The following ATRNL1 variants were observed in gnomAD, a reference collection of about 807,000 sequenced individuals.
The protein encoded by ATRNL1 is attractin like 1.
Under a neutral mutation model 182.7 loss-of-function variants are expected in ATRNL1, and 95 were observed. The ratio of observed to expected loss-of-function variants is 0.52; its 90% CI spans 0.44 to 0.62. ATRNL1 has a LOEUF of 0.62. Ranked by LOEUF, ATRNL1 falls within the 20% of genes least tolerant of loss-of-function variation. The pLI is 0.00. For missense variants in ATRNL1, 1,471 were observed against 1,679.5 expected, an observed-to-expected ratio of 0.88 and a Z score of 2.17; for synonymous variants, 576 against 568.3, an observed-to-expected ratio of 1.01 and a Z score of -0.19.
intron 24 of ATRNL1, among the ~76,000 whole-genome samples, chr10:115,484,473 TAC>T (rs1848922960): frequency 6.6e-6 from 1 of 151,694 alleles, no homozygotes. Flanking sequence ...GGTATCAAGT[TAC>T]AGTCTTCATA....
chr10:115,166,222 CAT>C (rs1847033130), intron 7 of ATRNL1, among the ~76,000 whole-genome samples: 1 of 152,076 alleles, frequency 6.6e-6, no homozygotes, highest in East Asian at 1.9e-4. Flanking sequence ...CATGTTGTAT[CAT>C]GTGTCAGAAT....
chr10:115,874,917 A>G (rs1324298498), intron 28 of ATRNL1, among the ~76,000 whole-genome samples: 8 of 152,188 alleles, frequency 5.3e-5, no homozygotes, highest in African/African-American at 4.8e-5. Flanking sequence ...CAAGCTTTAA[A>G]TGCACAGTTT....
intron 20 of ATRNL1, among the ~76,000 whole-genome samples, chr10:115,396,260 C>G (rs1347916947): frequency 6.6e-6 from 1 of 151,772 alleles, no homozygotes; most frequent in Non-Finnish European, 1.5e-5. Flanking sequence ...TTAAGGAAGG[C>G]CATTTTGGTC....
chr10:115,484,737 T>G (rs1349994827), intron 24 of ATRNL1, among the ~76,000 whole-genome samples: 2 of 151,850 alleles, frequency 1.3e-5, no homozygotes, highest in Admixed American at 1.3e-4. Context: ...ACTACAAATT[T>G]CTCTCAGAGT....
intron 19 of ATRNL1, among the ~76,000 whole-genome samples, chr10:115,364,732 G>T (rs573562063): frequency 1.3e-5 from 2 of 151,982 alleles, no homozygotes; most frequent in Non-Finnish European, 2.9e-5. Flanking sequence ...ATCATGAAGG[G>T]TTGTTGAATT....
chr10:115,520,170 A>G (rs1554984827), intron 25 of ATRNL1, among the ~76,000 whole-genome samples: 1 of 152,154 alleles, frequency 6.6e-6, no homozygotes, highest in Non-Finnish European at 1.5e-5. Flanking sequence ...GTGCAGTATG[A>G]ATTTTAACCA....
chr10:115,102,213 C>T (rs1487125134), intron 1 of ATRNL1, among the ~76,000 whole-genome samples: 1 of 152,046 alleles, frequency 6.6e-6, no homozygotes, highest in Non-Finnish European at 1.5e-5. Context: ...GGATTATGTC[C>T]TCCTGATAAA....
At chr10:115,678,644 T>A (rs185445586) in intron 26 of ATRNL1, among the ~76,000 whole-genome samples, 1 of 152,272 alleles carries the variant, frequency 6.6e-6, no homozygotes, top group Non-Finnish European at 1.5e-5. Context: ...CAGAAGTTTA[T>A]ATTTGTCTTA....
At chr10:115,131,208 C>T (rs547066277) in intron 5 of ATRNL1, among the ~76,000 whole-genome samples, 31 of 151,976 alleles carry the variant, frequency 2.0e-4, no homozygotes, top group African/African-American at 5.8e-4. Context: ...AGTCTAAGAA[C>T]TACTTGTCTG....
At chr10:115,764,016 T>C (rs782287696) in intron 27 of ATRNL1, among the ~76,000 whole-genome samples, 2 of 152,222 alleles carry the variant, frequency 1.3e-5, no homozygotes, top group Non-Finnish European at 2.9e-5. Context: ...TTCGGGATTT[T>C]TGTGTTTCTT....
intron 26 of ATRNL1, among the ~76,000 whole-genome samples, chr10:115,639,475 T>C (rs1555029448): frequency 2.0e-5 from 3 of 152,214 alleles, no homozygotes; most frequent in Admixed American, 6.5e-5. Flanking sequence ...CTCTTCCTCA[T>C]GAAATTTGTA....
At chr10:115,098,869 G>T (rs781934027) in intron 1 of ATRNL1, among the ~76,000 whole-genome samples, 1 of 152,120 alleles carries the variant, frequency 6.6e-6, no homozygotes, top group South Asian at 2.1e-4. Flanking sequence ...AAAATGAGGT[G>T]TTTAATTATA....
At chr10:115,745,338 T>C (rs10885799) in intron 27 of ATRNL1, among the ~76,000 whole-genome samples, 71,234 of 152,014 alleles carry the variant, frequency 0.47, 18,400 homozygotes, top group East Asian at 0.76. Flanking sequence ...GTTTATTCCA[T>C]TGTATATCCA....
At chr10:115,190,917 T>A (rs1263661831) in intron 8 of ATRNL1, among the ~76,000 whole-genome samples, 3 of 152,116 alleles carry the variant, frequency 2.0e-5, no homozygotes, top group Non-Finnish European at 4.4e-5. Flanking sequence ...CCACTCTTTA[T>A]AGTCCATAAA....
chr10:115,373,562 A>G (rs1341656660), intron 19 of ATRNL1, among the ~76,000 whole-genome samples: 10 of 152,012 alleles, frequency 6.6e-5, no homozygotes, highest in African/African-American at 1.9e-4. Flanking sequence ...CATTTTTTCA[A>G]TCATGGAAGA....
chr10:115,281,080 A>T (rs1852338832), intron 13 of ATRNL1, among the ~76,000 whole-genome samples: 1 of 152,170 alleles, frequency 6.6e-6, no homozygotes, highest in South Asian at 2.1e-4. Flanking sequence ...CTGGGACTCA[A>T]CTATCTGTTA....
chr10:115,725,030 T>A (rs1466854187), intron 26 of ATRNL1, among the ~76,000 whole-genome samples: 1 of 152,176 alleles, frequency 6.6e-6, no homozygotes, highest in East Asian at 1.9e-4. Context: ...TTTATTTGTC[T>A]AATTCTTTAT....
chr10:115,126,209 CA>C (rs1844968507), intron 3 of ATRNL1, among the ~76,000 whole-genome samples: 1 of 152,160 alleles, frequency 6.6e-6, no homozygotes, highest in South Asian at 2.1e-4. Flanking sequence ...AGGCATGCAC[CA>C]CCGTGCCCAC....
At chr10:115,934,643 C>T (rs1345797858) in intron 28 of ATRNL1, among the ~76,000 whole-genome samples, 4 of 152,132 alleles carry the variant, frequency 2.6e-5, no homozygotes, top group Non-Finnish European at 5.9e-5. Flanking sequence ...TCCTTATTGC[C>T]ACATTCTTAT....
Sources: gnomAD v4.1 joint callset for allele counts (sites outside exome capture counted in the v4.1 genomes callset) on GRCh38, gnomAD v4.1.1 for gene constraint, MANE v1.5 for transcripts, NCBI Gene and HGNC (gene_info 2026-07-23, HGNC 2026-07-21) for gene names.